Variants in C12orf50 observed in about 807,000 individuals in gnomAD.
C12orf50 encodes zinc finger CCCH-type containing 11D, also known as uncharacterized protein C12orf50.
In C12orf50, 35 loss-of-function variants were observed where a neutral mutation model predicts 61.6. The observed-to-expected ratio is 0.57, with a 90% CI of 0.43 to 0.75. C12orf50 has a LOEUF of 0.75. Among genes scored for constraint, C12orf50 ranks in the 30% least tolerant of loss-of-function variants. C12orf50 has a pLI of 0.00. For missense variants in C12orf50, 475 were observed against 488.5 expected (o/e 0.97, Z 0.26); for synonymous variants, 178 against 161.5 (o/e 1.10, Z -0.77).
In C12orf50 at chr12:87,996,381, C is replaced by T; in HGVS notation, c.474G>A (p.Leu158=). The T allele has an allele frequency of 6.2e-7, 1 of 1,604,402 alleles. No homozygotes were observed. ...LEKPLENGSE[L]QEGDSLTVPT... ...TGCCTTTTCATTTCTTACCTTCTTG[C>T]AATTCACTGCCATTTTCCAAAGGCT... The change falls in exon 6 of 13, where the codon TTG becomes TTA. Residue 158 remains leucine (L), a synonymous_variant. Coordinates refer to ENST00000298699, the MANE Select transcript of C12orf50 (RefSeq NM_152589.3).
At position 87,986,243 on chromosome 12, in the gene C12orf50, A is replaced by T. The variant is rs756492565; in HGVS notation, c.922+69T>A. The T allele has an allele frequency of 1.4e-5, 18 of 1,307,116 alleles. 1 individual carries two copies. The highest frequency in any genetic ancestry group is 5.1e-4 in the Middle Eastern group (2 of 3,946). The allele number at this position is 1,307,116 out of a possible 1,614,324, so 81.0% of individuals were successfully genotyped here. On this transcript the variant is annotated intron_variant, in intron 10 of 12. Transcript: ENST00000298699. ...CATGACAGTAATTTGTTTTTCAGGT[A>T]GAAGATATTTGATATTTAATCTCTT...
At chr12:88,006,662 T>C (rs2031896651) in intron 3 of C12orf50, among the ~76,000 whole-genome samples, 2 of 152,202 alleles carry the variant, frequency 1.3e-5, no homozygotes, top group Non-Finnish European at 2.9e-5. Flanking sequence ...GATAGAACTT[T>C]TGCTTTATGC....
chr12:87,986,184 A>T, intron 10 of C12orf50, 128 bp downstream of exon 10: 5 of 1,248,068 alleles, frequency 4.0e-6, no homozygotes, highest in Non-Finnish European at 5.6e-6. Context: ...AGTTTAGAGA[A>T]GTTGAGTTGA....
chr12:87,993,893 G>A (rs1211003509), intron 7 of C12orf50, among the ~76,000 whole-genome samples: 2 of 152,024 alleles, frequency 1.3e-5, no homozygotes, highest in Non-Finnish European at 2.9e-5. Context: ...TTTGAATATA[G>A]CTCCTTTAAA....
chr12:88,019,676 GA>G (rs2032443716), intron 3 of C12orf50, among the ~76,000 whole-genome samples: 1 of 151,972 alleles, frequency 6.6e-6, no homozygotes. Flanking sequence ...AGAGATTGGG[GA>G]AAAGAGGAAG....
chr12:88,026,394 C>CTT (rs2032707975), intron 3 of C12orf50, 94 bp downstream of exon 3: 1 of 1,411,046 alleles, frequency 7.1e-7, no homozygotes, highest in African/African-American at 1.4e-5. Flanking sequence ...GCATTGCTCA[C>CTT]CTTGTCATAC....
At chr12:88,022,701 T>C (rs927413692) in intron 3 of C12orf50, among the ~76,000 whole-genome samples, 1 of 152,112 alleles carries the variant, frequency 6.6e-6, no homozygotes, top group Non-Finnish European at 1.5e-5. Flanking sequence ...AGCATTCCTA[T>C]ACAACAACAA....
At chr12:87,998,223 A>G (rs1389212641) in intron 3 of C12orf50, 33 bp from the exon 4 acceptor site, 1 of 1,561,316 alleles carries the variant, frequency 6.4e-7, no homozygotes, top group South Asian at 1.2e-5. Context: ...CAGTCTGTTC[A>G]AGATATATGT....
At chr12:87,993,843 C>T (rs1453831898) in intron 7 of C12orf50, among the ~76,000 whole-genome samples, 3 of 152,114 alleles carry the variant, frequency 2.0e-5, no homozygotes, top group African/African-American at 7.2e-5. Flanking sequence ...AATATTTAAG[C>T]TATAATACAC....
chr12:87,996,331 A>T, intron 6 of C12orf50, 43 bp downstream of exon 6: 1 of 1,280,028 alleles, frequency 7.8e-7, no homozygotes, highest in Non-Finnish European at 1.1e-6. Context: ...CACACCAAGT[A>T]TATGTTATAG....
chr12:88,010,399 TTATAA>T (rs930259372), intron 3 of C12orf50, among the ~76,000 whole-genome samples: 3 of 116,480 alleles, frequency 2.6e-5, no homozygotes, highest in Non-Finnish European at 3.1e-5. Flanking sequence ...TATTATAATC[TTATAA>T]TAAGATTATA....
Position 87,987,941 on chromosome 12 carries a change from C to G in C12orf50, c.726G>C (p.Lys242Asn). 2 of 1,608,774 alleles carry G rather than the reference C, an allele frequency of 1.2e-6. No individual in the cohort carries two copies. Among genetic ancestry groups the G allele is most frequent in the Non-Finnish European group, 1.7e-6 (2 of 1,175,894 alleles). The change falls in exon 9 of 13, where the codon AAG becomes AAC. Residue 242 changes from lysine (K) to asparagine (N), a missense_variant. Lys to Asn is a moderately conservative substitution (Grantham distance 94). Coordinates refer to ENST00000298699, the MANE Select transcript of C12orf50 (RefSeq NM_152589.3). The stretch of plus-strand genomic sequence containing the variant: ...GTACTAGTCGGGTAGTTAGGGAATG[C>G]TTTGGATGAGGACTGTCCTTGTTAT... ...TKDNKDSPHP[K>N]HSLTTRLVPT...
intron 3 of C12orf50, among the ~76,000 whole-genome samples, chr12:88,024,356 T>A (rs996964627): frequency 6.6e-6 from 1 of 152,094 alleles, no homozygotes; most frequent in Non-Finnish European, 1.5e-5. Flanking sequence ...CTATTCACAA[T>A]AGCAAAGACA....
intron 3 of C12orf50, among the ~76,000 whole-genome samples, chr12:88,013,371 T>G (rs1268468595): frequency 6.6e-6 from 1 of 152,136 alleles, no homozygotes; most frequent in African/African-American, 2.4e-5. Flanking sequence ...ACGTACTAAA[T>G]TTTGAGGAAG....
At chr12:88,003,575 A>G (rs905680330) in intron 3 of C12orf50, among the ~76,000 whole-genome samples, 1 of 152,014 alleles carries the variant, frequency 6.6e-6, no homozygotes, top group Non-Finnish European at 1.5e-5. Flanking sequence ...AGCATTTAAA[A>G]CTAGTTTTCT....
chr12:88,001,120 T>A (rs750124871), intron 3 of C12orf50, among the ~76,000 whole-genome samples: 2 of 151,818 alleles, frequency 1.3e-5, no homozygotes, highest in Non-Finnish European at 3.0e-5. Context: ...AAGTATGCTA[T>A]CAGCTGTGGA....
At chr12:88,027,845 T>C (rs1185276977) in intron 1 of C12orf50, 1 of 152,070 alleles carries the variant, frequency 6.6e-6, no homozygotes, top group African/African-American at 2.4e-5. Flanking sequence ...TGTTCCATGG[T>C]TGTTCTTTAT....
chr12:87,983,223 AT>A, intron 11 of C12orf50, 28 bp from the exon 12 acceptor site: 1 of 1,437,694 alleles, frequency 7.0e-7, no homozygotes, highest in Non-Finnish European at 9.7e-7. Flanking sequence ...AGAATTAAAT[AT>A]TTTATAACTT....
At chr12:87,983,068 T>A in intron 12 of C12orf50, 35 bp downstream of exon 12, 1 of 1,243,126 alleles carries the variant, frequency 8.0e-7, no homozygotes, top group Non-Finnish European at 1.1e-6. Flanking sequence ...TTTTCAGAAT[T>A]GCATGATACA....
Sources: allele counts gnomAD v4.1 joint callset (sites outside exome capture counted in the v4.1 genomes callset), GRCh38; gene constraint gnomAD v4.1.1; transcripts MANE v1.5; gene names NCBI Gene and HGNC (gene_info 2026-07-23, HGNC 2026-07-21).